Variants in CFAP61 observed in about 807,000 individuals in gnomAD.
CFAP61 encodes cilia and flagella associated protein 61.
A neutral mutation model predicts 135.6 loss-of-function variants in CFAP61; 107 were observed. The observed-to-expected ratio is 0.79, with a 90% CI of 0.67 to 0.93. CFAP61 has a LOEUF of 0.93. CFAP61 is among the 40% of genes least tolerant of loss of function. The pLI is 0.00. For synonymous variants in CFAP61, 575 were observed against 578.5 expected, an observed-to-expected ratio of 0.99 and a Z score of 0.09; for missense variants, 1,507 against 1,556.2, an observed-to-expected ratio of 0.97 and a Z score of 0.53.
intron 18 of CFAP61, among the ~76,000 whole-genome samples, chr20:20,230,478 A>T (rs1473169158): frequency 1.3e-5 from 2 of 152,224 alleles, no homozygotes; most frequent in African/African-American, 4.8e-5. Context: ...CCCAACACTG[A>T]CCACCAATGA....
chr20:20,273,368 C>T (rs2424310), intron 21 of CFAP61, among the ~76,000 whole-genome samples: 16,910 of 152,128 alleles, frequency 0.11, 986 homozygotes, highest in Non-Finnish European at 0.12. Flanking sequence ...GATCTAACAT[C>T]GTTAAGGGGA....
At chr20:20,191,068 A>C (rs1306746750) in intron 14 of CFAP61, among the ~76,000 whole-genome samples, 6 of 152,136 alleles carry the variant, frequency 3.9e-5, no homozygotes, top group Admixed American at 3.9e-4. Context: ...AGCCGAGATC[A>C]TGCCATTGCA....
chr20:20,092,172 T>G (rs2047249315), intron 7 of CFAP61, among the ~76,000 whole-genome samples: 1 of 152,234 alleles, frequency 6.6e-6, no homozygotes, highest in Non-Finnish European at 1.5e-5. Context: ...CAGTTTTGAA[T>G]AGTACAGGTC....
intron 11 of CFAP61, 132 bp from the exon 12 acceptor site, chr20:20,166,265 A>G: frequency 2.9e-6 from 2 of 685,148 alleles, no homozygotes; most frequent in South Asian, 3.5e-5. Context: ...ATTAGTGTTC[A>G]CCTAGACACA....
intron 9 of CFAP61, among the ~76,000 whole-genome samples, chr20:20,150,048 AGAGC>A (rs2052264176): frequency 1.3e-5 from 2 of 152,174 alleles, no homozygotes; most frequent in Admixed American, 1.3e-4. Flanking sequence ...GAGCATGGCA[AGAGC>A]GAGACTGGCC....
chr20:20,052,701 G>T, intron 1 of CFAP61, 110 bp downstream of exon 1: 6 of 1,611,470 alleles, frequency 3.7e-6, no homozygotes, highest in Non-Finnish European at 5.1e-6. Flanking sequence ...GAGGACGAGT[G>T]GCTCTGTCGA....
chr20:20,241,143 A>G (rs1482000793), intron 18 of CFAP61, among the ~76,000 whole-genome samples: 2 of 152,208 alleles, frequency 1.3e-5, no homozygotes, highest in African/African-American at 2.4e-5. Context: ...ATGGGGAGAC[A>G]TGTCTCTTCT....
intron 26 of CFAP61, among the ~76,000 whole-genome samples, chr20:20,344,297 C>A (rs1463744497): frequency 2.0e-5 from 3 of 152,132 alleles, no homozygotes; most frequent in Non-Finnish European, 4.4e-5. Context: ...TGAGTGCTGA[C>A]CACCACGAGC....
intron 25 of CFAP61, among the ~76,000 whole-genome samples, chr20:20,335,635 A>G (rs728415): frequency 0.31 from 47,208 of 152,132 alleles, 7,487 homozygotes; most frequent in South Asian, 0.42. Flanking sequence ...CAAGGCCCCT[A>G]TGAATGTACT....
chr20:20,277,554 A>G lies in CFAP61; in HGVS notation c.2796+96A>G. On this transcript the variant is annotated intron_variant, in intron 22 of 26. Transcript: ENST00000245957. ...GGAAGATTGCGGGCAGTGAATTTGT[A>G]GTACCAGATGTTGGATTTTGTTTTC... 3.0e-6 allele frequency: 4 copies of G among 1,318,586 alleles called. No individual in the cohort carries two copies. The East Asian group carries it at 7.0e-5, about 23-fold the overall frequency. The allele number at this position is 1,318,586 out of a possible 1,614,324, so 81.7% of individuals were successfully genotyped here.
At chr20:20,061,496 CA>C (rs2044792882) in intron 2 of CFAP61, among the ~76,000 whole-genome samples, 1 of 152,114 alleles carries the variant, frequency 6.6e-6, no homozygotes, top group Non-Finnish European at 1.5e-5. Flanking sequence ...CCCAAAATCT[CA>C]CCCAAAATAA....
At position 20,284,486 on chromosome 20, in the gene CFAP61, C is replaced by T. The variant is rs547616232; in HGVS notation, c.2797-4123C>T. Among the ~76,000 whole-genome samples the T allele has an allele frequency of 9.9e-5, 15 of 152,134 alleles. No homozygotes were observed. The East Asian group carries it at 1.7e-3, about 18-fold the overall frequency. On this transcript the variant is annotated intron_variant, in intron 22 of 26. Coordinates refer to ENST00000245957, the MANE Select transcript of CFAP61 (RefSeq NM_015585.4). Reference sequence around the variant, plus strand: ...ATTTTTAGTAGAGACGGGGTTTCACCGTGTTATCCAGGATGGTCTCGATCT... The same window carrying T: ...ATTTTTAGTAGAGACGGGGTTTCACTGTGTTATCCAGGATGGTCTCGATCT...
At chr20:20,225,740 T>C (rs1300737107) in intron 17 of CFAP61, among the ~76,000 whole-genome samples, 3 of 152,214 alleles carry the variant, frequency 2.0e-5, no homozygotes, top group African/African-American at 7.2e-5. Flanking sequence ...TTAAATCTGT[T>C]AACTAGACCT....
At chr20:20,069,615 C>T (rs928840379) in intron 2 of CFAP61, 6 of 389,036 alleles carry the variant, frequency 1.5e-5, no homozygotes, top group Non-Finnish European at 2.0e-5. Flanking sequence ...TACATTTCAA[C>T]GTATAGTTAC....
chr20:20,314,243 AGCAGGGTGTC>A (rs2056984894), intron 25 of CFAP61, among the ~76,000 whole-genome samples: 1 of 134,382 alleles, frequency 7.4e-6, no homozygotes, highest in African/African-American at 2.8e-5. Flanking sequence ...AAAAAAAATT[AGCAGGGTGTC>A]TTGGTGCATG....
chr20:20,320,373 T>TA (rs2057394738), intron 25 of CFAP61, among the ~76,000 whole-genome samples: 4 of 40,332 alleles, frequency 9.9e-5, no homozygotes, highest in Non-Finnish European at 1.6e-4. Context: ...GTAATATATA[T>TA]TATATATATG....
chr20:20,296,330 T>TCCTTCCTTCCTTGCTTCCTTCCTTC (rs2055565592), intron 24 of CFAP61, among the ~76,000 whole-genome samples: 1 of 39,596 alleles, frequency 2.5e-5, no homozygotes, highest in African/African-American at 9.1e-5. Context: ...TTCCTTCCCT[T>TCCTTCCTTCCTTGCTTCCTTCCTTC]CCTTCCTTCC....
chr20:20,104,035 C>T (rs1385788625), intron 8 of CFAP61, among the ~76,000 whole-genome samples: 1 of 152,124 alleles, frequency 6.6e-6, no homozygotes, highest in Non-Finnish European at 1.5e-5. Flanking sequence ...TACCCAGGGC[C>T]CACCTTACAA....
At chr20:20,337,240 C>CATGG (rs1386342358) in intron 25 of CFAP61, among the ~76,000 whole-genome samples, 1 of 149,652 alleles carries the variant, frequency 6.7e-6, no homozygotes, top group Non-Finnish European at 1.5e-5. Flanking sequence ...AGGATGGATG[C>CATGG]ATGGATGGAT....
Sources: allele counts gnomAD v4.1 joint callset (sites outside exome capture counted in the v4.1 genomes callset), GRCh38; gene constraint gnomAD v4.1.1; transcripts MANE v1.5; gene names NCBI Gene and HGNC (gene_info 2026-07-23, HGNC 2026-07-21).